CLECL1: variants seen among roughly 807,000 people sequenced by gnomAD.
The protein encoded by CLECL1 is C-type lectin like 1.
At chr12:9,703,375 GTTATTTAT>G in the CLECL1 span, among the ~76,000 whole-genome samples, 53,803 of 147,856 alleles carry the variant, frequency 0.36, 11,437 homozygotes, top group East Asian at 0.58. Context: ...TTTGTGCTAG[GTTATTTAT>G]TTATTTATTT....
intron 2 of CLECL1, among the ~76,000 whole-genome samples, chr12:9,717,299 GC>G (rs1010872665): frequency 9.2e-5 from 14 of 152,112 alleles, no homozygotes; most frequent in Non-Finnish European, 1.0e-4. Context: ...AATGATGATG[GC>G]CGTAATGAGC....
At chr12:9,721,924 G>A (rs1254723718), downstream of CLECL1, among the ~76,000 whole-genome samples, 1 of 152,118 alleles carries the variant, frequency 6.6e-6, no homozygotes, top group African/African-American at 2.4e-5. Flanking sequence ...GGATTTCTGT[G>A]ACACTCAAGA....
At chr12:9,722,465 C>CA (rs1555112098), downstream of CLECL1, 306 of 931,162 alleles carry the variant, frequency 3.3e-4, no homozygotes, top group Non-Finnish European at 3.8e-4. Flanking sequence ...TCCTCCTAGC[C>CA]GGAAAAAAAA....
the CLECL1 span, among the ~76,000 whole-genome samples, chr12:9,702,317 C>A: frequency 5.3e-5 from 8 of 152,182 alleles, no homozygotes; most frequent in Admixed American, 5.2e-4. Context: ...GAGGTCCCAC[C>A]ATCAAGCTGT....
upstream of CLECL1, chr12:9,733,079 G>A: frequency 6.2e-7 from 1 of 1,612,744 alleles, no homozygotes; most frequent in Non-Finnish European, 8.5e-7. Context: ...TCCCACTGAA[G>A]GGACAATCAT....
chr12:9,710,732 A>G, the CLECL1 span, among the ~76,000 whole-genome samples: 1 of 152,162 alleles, frequency 6.6e-6, no homozygotes, highest in African/African-American at 2.4e-5. Context: ...TGAGAGGAAC[A>G]CACTGACAGG....
At chr12:9,708,286 A>G in the CLECL1 span, among the ~76,000 whole-genome samples, 1 of 152,094 alleles carries the variant, frequency 6.6e-6, no homozygotes, top group South Asian at 2.1e-4. Flanking sequence ...TTGCCCCTTA[A>G]GCTATTTTTC....
downstream of CLECL1, among the ~76,000 whole-genome samples, chr12:9,720,376 T>C (rs1461257372): frequency 6.6e-6 from 1 of 150,870 alleles, no homozygotes; most frequent in Non-Finnish European, 1.5e-5. Flanking sequence ...AGTTTCGCTC[T>C]TGTTGCCCAG....
At chr12:9,709,476 G>T in the CLECL1 span, 1 of 152,212 alleles carries the variant, frequency 6.6e-6, no homozygotes, top group East Asian at 1.9e-4. Flanking sequence ...AATTAAGGAG[G>T]ATATTGACAG....
chr12:9,719,730 TA>T (rs1464666253), downstream of CLECL1, among the ~76,000 whole-genome samples: 6 of 152,178 alleles, frequency 3.9e-5, no homozygotes, highest in Non-Finnish European at 8.8e-5. Flanking sequence ...ATCCTGTCTC[TA>T]AAAATACAAC....
chr12:9,706,705 C>T, the CLECL1 span, among the ~76,000 whole-genome samples: 60 of 152,204 alleles, frequency 3.9e-4, no homozygotes, highest in South Asian at 8.3e-4. Context: ...AAGATGAAGC[C>T]GACTTGATCG....
At chr12:9,717,198 C>G (rs868642832) in intron 2 of CLECL1, among the ~76,000 whole-genome samples, 1 of 152,150 alleles carries the variant, frequency 6.6e-6, no homozygotes, top group African/African-American at 2.4e-5. Context: ...ATCACGAGGT[C>G]GGGAGACTGA....
At chr12:9,719,045 T>C (rs1053965674), downstream of CLECL1, among the ~76,000 whole-genome samples, 1 of 152,258 alleles carries the variant, frequency 6.6e-6, no homozygotes, top group Non-Finnish European at 1.5e-5. Context: ...CTTCATCTTG[T>C]GTAGGACAGT....
intron 1 of CLECL1, among the ~76,000 whole-genome samples, chr12:9,732,360 T>C (rs1309731307): frequency 6.6e-6 from 1 of 152,210 alleles, no homozygotes; most frequent in African/African-American, 2.4e-5. Flanking sequence ...TGAAAATCTA[T>C]AATTTTTGAG....
chr12:9,720,673 C>T (rs999751328), downstream of CLECL1, among the ~76,000 whole-genome samples: 2 of 152,110 alleles, frequency 1.3e-5, no homozygotes, highest in African/African-American at 4.8e-5. Flanking sequence ...TTTCTCTCTC[C>T]AGGTCTGCAT....
At chr12:9,702,844 T>A in the CLECL1 span, among the ~76,000 whole-genome samples, 5 of 152,232 alleles carry the variant, frequency 3.3e-5, 1 homozygote, top group African/African-American at 1.2e-4. Flanking sequence ...GTTGGTAGCA[T>A]TAAATCTGAA....
chr12:9,731,880 A>G (rs888663423), intron 1 of CLECL1, among the ~76,000 whole-genome samples: 5 of 152,212 alleles, frequency 3.3e-5, no homozygotes, highest in African/African-American at 1.2e-4. Context: ...AAACTGAGTA[A>G]AATAACCTCT....
the CLECL1 span, among the ~76,000 whole-genome samples, chr12:9,706,184 A>G: frequency 6.6e-6 from 1 of 152,098 alleles, no homozygotes; most frequent in Non-Finnish European, 1.5e-5. Flanking sequence ...TAGGAATGCT[A>G]GTGATTTTTG....
At chr12:9,714,748 G>A (rs1302000567), downstream of CLECL1, among the ~76,000 whole-genome samples, 6 of 152,132 alleles carry the variant, frequency 3.9e-5, no homozygotes, top group Admixed American at 2.6e-4. Context: ...TAATTCTCGG[G>A]CTACTTATGG....
Sources: allele counts gnomAD v4.1 joint callset (sites outside exome capture counted in the v4.1 genomes callset), GRCh38; gene constraint gnomAD v4.1.1; transcripts MANE v1.5; gene names NCBI Gene and HGNC (gene_info 2026-07-23, HGNC 2026-07-21).